LRP1B: variants seen among roughly 807,000 people sequenced by gnomAD.
LRP1B encodes the protein LDL receptor related protein 1B, also known as low-density lipoprotein receptor-related protein 1B.
A neutral mutation model predicts 556.6 loss-of-function variants in LRP1B; 217 were observed. The observed-to-expected ratio is 0.39, with a 90% CI of 0.35 to 0.44. The LOEUF is 0.44. Ranked by LOEUF, LRP1B falls within the 20% of genes least tolerant of loss-of-function variation. The pLI, the probability that LRP1B is intolerant of heterozygous loss-of-function variation, is 1.00. For synonymous variants in LRP1B, 2,047 were observed against 1,865.8 expected (o/e 1.10, Z -2.50); for missense variants, 5,053 against 5,620.8 (o/e 0.90, Z 3.23).
At chr2:140,730,852 C>T (rs1298682865) in intron 35 of LRP1B, among the ~76,000 whole-genome samples, 2 of 152,104 alleles carry the variant, frequency 1.3e-5, no homozygotes, top group African/African-American at 4.8e-5. Flanking sequence ...CCGCCACGCC[C>T]AGCCTCGATT....
At chr2:141,291,813 G>A (rs931865314) in intron 3 of LRP1B, among the ~76,000 whole-genome samples, 3 of 131,960 alleles carry the variant, frequency 2.3e-5, no homozygotes, top group Non-Finnish European at 3.1e-5. Flanking sequence ...CAGAGATCGC[G>A]CCACTGCACT....
Position 141,464,560 on chromosome 2 carries a change from C to T in LRP1B, c.343+15836G>A, listed in dbSNP as rs564016987. 5.0e-3 allele frequency among the ~76,000 whole-genome samples: 697 copies of T among 139,890 alleles called. 7 individuals are homozygous for T. Among genetic ancestry groups the T allele is most frequent in the African/African-American group, 0.017 (661 of 37,926 alleles). 91.8% of individuals were successfully genotyped at this position (139,890 alleles called of 152,430 possible). A position where few individuals can be genotyped will look rare whatever the true frequency, so the allele number is the denominator to read the frequency against. ...CCTGAGTAGCTGGGACTACAGTCGC[C>T]CGCCACCACGCCTGGCTAATTTTGT... On this transcript the variant is annotated intron_variant, in intron 3 of 90. Coordinates refer to ENST00000389484, the MANE Select transcript of LRP1B (RefSeq NM_018557.3).
chr2:141,204,645 C>A (rs911730553), intron 6 of LRP1B, among the ~76,000 whole-genome samples: 1 of 152,052 alleles, frequency 6.6e-6, no homozygotes, highest in Non-Finnish European at 1.5e-5. Flanking sequence ...TAATTGCCAA[C>A]AGTAAGTTCT....
rs1405685457 is a variant in LRP1B at position 140,506,851 on chromosome 2, A to G, written c.8466T>C (p.Phe2822=). ...CHNKVCIPKQ[F]VCDHDDDCGD... ...CACAGTCGTCATCATGGTCACAAAC[A>G]AATTGCTTGGGAATGCATACTTTAT... is the stretch of plus-strand genomic sequence containing the variant. The change falls in exon 53 of 91, where the codon TTT becomes TTC. Residue 2822 remains phenylalanine (F), a synonymous_variant. Coordinates refer to ENST00000389484, the MANE Select transcript of LRP1B (RefSeq NM_018557.3). 6.2e-7 allele frequency: 1 copy of G among 1,614,104 alleles called. No individual in the cohort carries two copies. The highest frequency in any genetic ancestry group is 8.5e-7 in the Non-Finnish European group (1 of 1,179,988).
At chr2:141,480,239 G>C in intron 3 of LRP1B, 157 bp downstream of exon 3, 1 of 761,278 alleles carries the variant, frequency 1.3e-6, no homozygotes, top group East Asian at 2.8e-5. Flanking sequence ...TTGCAGCTTT[G>C]AAATGCATAT....
intron 86 of LRP1B, among the ~76,000 whole-genome samples, chr2:140,261,072 AT>A (rs1558933059): frequency 6.6e-6 from 1 of 150,692 alleles, no homozygotes; most frequent in Non-Finnish European, 1.5e-5. Flanking sequence ...TATATATAAT[AT>A]ATATGATGAA....
At chr2:141,165,340 T>TTTTG (rs1364191281) in intron 7 of LRP1B, among the ~76,000 whole-genome samples, 4 of 13,814 alleles carry the variant, frequency 2.9e-4, no homozygotes, top group African/African-American at 9.0e-4. Context: ...ACTGTCTTAT[T>TTTTG]TTTGTTTATT....
chr2:140,311,288 C>T (rs916589049), intron 83 of LRP1B, among the ~76,000 whole-genome samples: 13 of 151,714 alleles, frequency 8.6e-5, no homozygotes, highest in African/African-American at 1.9e-4. Flanking sequence ...ACGTGTTCAG[C>T]GAATGACTGA....
chr2:140,739,083 C>T (rs541375923), intron 35 of LRP1B, among the ~76,000 whole-genome samples: 52 of 152,266 alleles, frequency 3.4e-4, no homozygotes, highest in South Asian at 6.2e-4. Context: ...TCCATAACTA[C>T]TTTATTCATA....
chr2:140,895,596 AAGTGT>A (rs1242095371), intron 23 of LRP1B, among the ~76,000 whole-genome samples: 1 of 152,134 alleles, frequency 6.6e-6, no homozygotes, highest in East Asian at 1.9e-4. Context: ...TGGGTGGCTT[AAGTGT>A]TTAACAGCTC....
At chr2:141,414,873 T>C (rs1167842819) in intron 3 of LRP1B, among the ~76,000 whole-genome samples, 1 of 152,198 alleles carries the variant, frequency 6.6e-6, no homozygotes, top group Admixed American at 6.5e-5. Context: ...TTTAAATCAA[T>C]GTGCATGCAC....
chr2:140,452,955 G>T (rs1411780367), intron 62 of LRP1B, among the ~76,000 whole-genome samples: 2 of 70,846 alleles, frequency 2.8e-5, no homozygotes, highest in Non-Finnish European at 6.3e-5. Context: ...TTGTGTGTGT[G>T]TGTGTGTTTT....
At chr2:141,080,728 A>G (rs190451399) in intron 7 of LRP1B, among the ~76,000 whole-genome samples, 90 of 152,364 alleles carry the variant, frequency 5.9e-4, no homozygotes, top group African/African-American at 2.0e-3. Context: ...AGGAAGCTAC[A>G]GTAGTACGCC....
intron 41 of LRP1B, among the ~76,000 whole-genome samples, chr2:140,697,317 G>A (rs1238054335): frequency 2.0e-5 from 3 of 151,954 alleles, no homozygotes; most frequent in African/African-American, 4.8e-5. Flanking sequence ...CTTCAGACAC[G>A]GCACTCACAA....
At chr2:140,395,659 G>T (rs890752207) in intron 66 of LRP1B, among the ~76,000 whole-genome samples, 1 of 152,126 alleles carries the variant, frequency 6.6e-6, no homozygotes. Context: ...AGAAGAGAAA[G>T]TCTTATAAAG....
intron 29 of LRP1B, among the ~76,000 whole-genome samples, chr2:140,849,064 T>A (rs768026176): frequency 6.6e-6 from 1 of 151,606 alleles, no homozygotes; most frequent in African/African-American, 2.4e-5. Flanking sequence ...TAAGCTTAAG[T>A]AGGGGAGGGA....
intron 32 of LRP1B, among the ~76,000 whole-genome samples, chr2:140,808,552 C>T (rs1014550408): frequency 4.6e-5 from 7 of 152,120 alleles, no homozygotes; most frequent in Non-Finnish European, 1.0e-4. Flanking sequence ...TTTCCCTGAT[C>T]TGCTATTTTT....
At chr2:140,527,980 C>A (rs1296835257) in intron 47 of LRP1B, among the ~76,000 whole-genome samples, 1 of 151,830 alleles carries the variant, frequency 6.6e-6, no homozygotes, top group African/African-American at 2.4e-5. Context: ...TCTCATAATG[C>A]ACTTGAGTTT....
At chr2:140,893,142 C>T (rs1693849648) in intron 23 of LRP1B, among the ~76,000 whole-genome samples, 2 of 152,090 alleles carry the variant, frequency 1.3e-5, no homozygotes, top group African/African-American at 4.8e-5. Flanking sequence ...ATCAACTCAA[C>T]ACTTCCTGCC....
Sources: gnomAD v4.1 joint callset for allele counts (sites outside exome capture counted in the v4.1 genomes callset) on GRCh38, gnomAD v4.1.1 for gene constraint, MANE v1.5 for transcripts, NCBI Gene and HGNC (gene_info 2026-07-23, HGNC 2026-07-21) for gene names.